IL17RA: variants seen among roughly 807,000 people sequenced by gnomAD.
IL17RA encodes interleukin 17 receptor A, also known as interleukin-17 receptor A.
In IL17RA, 34 loss-of-function variants were observed where a neutral mutation model predicts 50.4. The ratio of observed to expected loss-of-function variants is 0.67; its 90% CI spans 0.51 to 0.90. The LOEUF (loss-of-function observed/expected upper bound fraction) is 0.90, where lower values mean the gene tolerates loss of function less well. Ranked by LOEUF, IL17RA falls within the 40% of genes least tolerant of loss-of-function variation. The pLI, the probability that IL17RA is intolerant of heterozygous loss-of-function variation, is 0.00. For missense variants in IL17RA, 1,276 were observed against 1,169.8 expected, an observed-to-expected ratio of 1.09 and a Z score of -1.32; for synonymous variants, 585 against 510.4, an observed-to-expected ratio of 1.15 and a Z score of -1.97.
chr22:17,089,892 GA>G (rs2061341932), intron 1 of IL17RA, among the ~76,000 whole-genome samples: 1 of 151,148 alleles, frequency 6.6e-6, no homozygotes, highest in Non-Finnish European at 1.5e-5. Flanking sequence ...AAAAACGAAT[GA>G]GAGGTTTGAA....
intron 1 of IL17RA, 47 bp downstream of exon 1, chr22:17,085,276 C>A: frequency 6.5e-7 from 1 of 1,533,132 alleles, no homozygotes; most frequent in Non-Finnish European, 8.7e-7. Flanking sequence ...GCTGCGGACG[C>A]GGGGCAAGGT....
intron 1 of IL17RA, among the ~76,000 whole-genome samples, chr22:17,094,691 C>CTCTCTCTCTATATATATATATA (rs1448096911): frequency 2.8e-4 from 7 of 24,698 alleles, no homozygotes; most frequent in South Asian, 1.8e-3. Context: ...CTCTCTCTCT[C>CTCTCTCTCTATATATATATATA]TATATATATA....
intron 1 of IL17RA, among the ~76,000 whole-genome samples, chr22:17,091,428 G>C (rs1358730170): frequency 1.3e-5 from 2 of 152,182 alleles, no homozygotes; most frequent in African/African-American, 4.8e-5. Context: ...TATAATCCCA[G>C]CACTTTGGGA....
chr22:17,109,761 C>G lies in IL17RA; in HGVS notation c.2542C>G (p.Leu848Val), dbSNP rs1405066148. 3 of 1,555,516 alleles carry G rather than the reference C, an allele frequency of 1.9e-6. No individual in the cohort carries two copies. Among genetic ancestry groups the G allele is most frequent in the Admixed American group, 3.9e-5 (2 of 51,310 alleles). Residue 848 changes from leucine to valine, a missense_variant, in exon 13 of 13, where the codon CTG becomes GTG. Transcript: ENST00000319363. ...CCAGCGGCAGCTGCTTTTCCGCCAGCTGCAGAAGAACTCGGGCTGGGACAC... is the reference window on the plus strand; with the variant it reads ...CCAGCGGCAGCTGCTTTTCCGCCAGGTGCAGAAGAACTCGGGCTGGGACAC... ...SLQRQLLFRQ[L>V]QKNSGWDTMG...
At chr22:17,090,222 C>T (rs1292866011) in intron 1 of IL17RA, among the ~76,000 whole-genome samples, 9 of 152,172 alleles carry the variant, frequency 5.9e-5, no homozygotes, top group South Asian at 2.1e-4. Context: ...GGGGTTTCAC[C>T]GTTGTTGGCC....
chr22:17,105,945 A>C lies in IL17RA; in HGVS notation c.1036A>C (p.Arg346=). 6.2e-7 allele frequency: 1 copy of C among 1,613,936 alleles called. No individual in the cohort carries two copies. Among genetic ancestry groups the C allele is most frequent in the Non-Finnish European group, 8.5e-7 (1 of 1,179,910 alleles). ...CCTGCTCATCGTCTGCATGACCTGG[A>C]GGCTAGCTGGTAAGCGCTGGGGCTC... ...VILLIVCMTW[R]LAGPGSEKYS... The change falls in exon 11 of 13, where the codon AGG becomes CGG. Residue 346 remains arginine (R), a synonymous_variant. Transcript: ENST00000319363.
Position 17,112,303 on chromosome 22 carries a change from A to T in IL17RA, c.*2483A>T, listed in dbSNP as rs1462818194. ...CCTCCTAACAGCTTTATTGGAGTAC[A>T]GTTCACTTACCATACAATCCACAAT... On this transcript the variant is annotated 3_prime_UTR_variant, in exon 13 of 13. Transcript: ENST00000319363. 6.6e-6 allele frequency: 1 copy of T among 152,204 alleles called. No homozygotes were observed. Among genetic ancestry groups the T allele is most frequent in the African/African-American group, 2.4e-5 (1 of 41,434 alleles). 9.4% of individuals were successfully genotyped at this position (152,204 alleles called of 1,614,324 possible).
In IL17RA at chr22:17,108,773, C is replaced by T; in HGVS notation, c.1554C>T (p.Gly518=). 1.9e-6 allele frequency: 3 copies of T among 1,607,336 alleles called. No individual in the cohort carries two copies. Among genetic ancestry groups the T allele is most frequent in the Non-Finnish European group, 1.7e-6 (2 of 1,177,178 alleles). The change falls in exon 13 of 13, where the codon GGC becomes GGT. Residue 518 remains glycine, a synonymous_variant. Coordinates refer to ENST00000319363, the MANE Select transcript of IL17RA (RefSeq NM_014339.7). ...ACGGCGACGTCCCCGACCTGTTCGG[C>T]GCGGCGCCGCGGTACCCGCTCATGG... is the stretch of plus-strand genomic sequence containing the variant. ...SCDGDVPDLF[G]AAPRYPLMDR... is the part of the protein sequence containing the mutation.
Position 17,097,085 on chromosome 22 carries a change from T to C in IL17RA, c.162T>C (p.Asn54=), listed in dbSNP as rs538846008. 1.9e-6 allele frequency: 3 copies of C among 1,613,244 alleles called. No homozygotes were observed. The highest frequency in any genetic ancestry group is 1.7e-5 in the Admixed American group (1 of 60,008). Residue 54 remains asparagine (N), a splice_region_variant and synonymous_variant, in exon 2 of 13, where the codon AAT becomes AAC. Coordinates refer to ENST00000319363, the MANE Select transcript of IL17RA (RefSeq NM_014339.7). The stretch of plus-strand genomic sequence containing the variant: ...AGGGGCTAAACTGCACGGTCAAGAA[T>C]AGTAAGTCATCTTTTTCTGTTCTTC... ...SQPGLNCTVK[N]STCLDDSWIH...
chr22:17,085,154 G>A lies in IL17RA; in HGVS notation c.63G>A (p.Leu21=). Residue 21 remains leucine (L), a synonymous_variant, in exon 1 of 13, where the codon CTG becomes CTA. Transcript: ENST00000319363. ...VPGPLLGLLL[L]LLGVLAPGGA... ...GGCCCCTGCTGGGGCTGCTCCTGCT[G>A]CTCCTGGGCGTGCTGGCCCCGGGTG... is the stretch of plus-strand genomic sequence containing the variant. 2 of 1,519,260 alleles carry A rather than the reference G, an allele frequency of 1.3e-6. No individual in the cohort carries two copies. The highest frequency in any genetic ancestry group is 1.9e-4 in the Middle Eastern group (1 of 5,394). The allele number at this position is 1,519,260 out of a possible 1,614,324, so 94.1% of individuals were successfully genotyped here.
intron 1 of IL17RA, among the ~76,000 whole-genome samples, chr22:17,088,107 G>C (rs2061334627): frequency 6.6e-6 from 1 of 152,164 alleles, no homozygotes; most frequent in Admixed American, 6.5e-5. Context: ...CTTTTGAGAG[G>C]CTGGGTTATT....
intron 1 of IL17RA, among the ~76,000 whole-genome samples, chr22:17,094,689 C>CTATATATATATATA (rs1435523726): frequency 1.3e-4 from 5 of 39,298 alleles, no homozygotes; most frequent in African/African-American, 5.4e-4. Flanking sequence ...CTCTCTCTCT[C>CTATATATATATATA]TCTATATATA....
chr22:17,099,431 C>G (rs577853208), intron 4 of IL17RA, among the ~76,000 whole-genome samples: 1 of 152,198 alleles, frequency 6.6e-6, no homozygotes, highest in Admixed American at 6.5e-5. Context: ...GTCCGTAGAC[C>G]AGCAGCCTCA....
chr22:17,106,646 C>T (rs2061415983), intron 11 of IL17RA, among the ~76,000 whole-genome samples: 1 of 152,208 alleles, frequency 6.6e-6, no homozygotes. Context: ...CCTGCCCCAC[C>T]ATGACCCTAG....
chr22:17,103,334 C>T (rs1220385997), intron 7 of IL17RA, among the ~76,000 whole-genome samples, 160 bp from the exon 8 acceptor site: 4 of 152,170 alleles, frequency 2.6e-5, no homozygotes, highest in South Asian at 2.1e-4. Flanking sequence ...CATGCAGAAA[C>T]GGAGTTTTTT....
chr22:17,093,318 T>A (rs1054324120), intron 1 of IL17RA, among the ~76,000 whole-genome samples: 6 of 152,164 alleles, frequency 3.9e-5, no homozygotes, highest in African/African-American at 1.4e-4. Context: ...GAGGTGTTTT[T>A]TTTGGGCCTG....
chr22:17,085,337 A>G, intron 1 of IL17RA, 108 bp downstream of exon 1: 1 of 1,500,534 alleles, frequency 6.7e-7, no homozygotes, highest in Non-Finnish European at 8.9e-7. Context: ...GGAGGCAGGA[A>G]GTCCGCGCCG....
At chr22:17,086,776 A>G (rs1296697114) in intron 1 of IL17RA, among the ~76,000 whole-genome samples, 1 of 152,230 alleles carries the variant, frequency 6.6e-6, no homozygotes, top group Non-Finnish European at 1.5e-5. Flanking sequence ...CTGTGGGGGT[A>G]GCAGGAGCAT....
chr22:17,097,693 G>A (rs1051219921), intron 2 of IL17RA, 104 bp from the exon 3 acceptor site: 129 of 1,426,046 alleles, frequency 9.0e-5, no homozygotes, highest in Non-Finnish European at 1.1e-4. Context: ...CTGGAAGGCC[G>A]CGGGCCCCTG....
Sources: gnomAD v4.1 joint callset for allele counts (sites outside exome capture counted in the v4.1 genomes callset) on GRCh38, gnomAD v4.1.1 for gene constraint, MANE v1.5 for transcripts, NCBI Gene and HGNC (gene_info 2026-07-23, HGNC 2026-07-21) for gene names.